SORCS3: variants seen among roughly 807,000 people sequenced by gnomAD.
SORCS3 encodes VPS10 domain-containing receptor SorCS3.
A neutral mutation model predicts 146.3 loss-of-function variants in SORCS3; 57 were observed. That is an observed-to-expected ratio of 0.39 (90% CI 0.31 to 0.49). SORCS3 has a LOEUF of 0.49. SORCS3 is among the 20% of genes least tolerant of loss of function. The probability of loss-of-function intolerance (pLI) is 0.92; values close to 1 mark genes in which losing one functional copy is unlikely to be tolerated. For missense variants in SORCS3, 1,341 were observed against 1,575.5 expected, an observed-to-expected ratio of 0.85 and a Z score of 2.52; for synonymous variants, 653 against 618.5, an observed-to-expected ratio of 1.06 and a Z score of -0.83.
intron 1 of SORCS3, among the ~76,000 whole-genome samples, chr10:104,739,017 C>T (rs1246027504): frequency 1.3e-5 from 2 of 152,138 alleles, no homozygotes; most frequent in African/African-American, 4.8e-5. Context: ...GGCATTTGTG[C>T]ATCTGATGCT....
At chr10:105,171,885 A>G (rs1371600130) in intron 13 of SORCS3, among the ~76,000 whole-genome samples, 1 of 152,180 alleles carries the variant, frequency 6.6e-6, no homozygotes, top group East Asian at 1.9e-4. Flanking sequence ...AAAAGGTCTT[A>G]TAGAAGTCCT....
chr10:104,842,659 C>G, intron 1 of SORCS3, 133 bp from the exon 2 acceptor site: 1 of 641,870 alleles, frequency 1.6e-6, no homozygotes. Flanking sequence ...TACCCCGCAA[C>G]TCAATGGATA....
At chr10:104,753,756 G>T (rs1037615319) in intron 1 of SORCS3, among the ~76,000 whole-genome samples, 1 of 152,098 alleles carries the variant, frequency 6.6e-6, no homozygotes, top group Non-Finnish European at 1.5e-5. Context: ...CATTGTCCTT[G>T]GGGTTTATGT....
At chr10:105,204,500 A>C (rs375468210) in intron 16 of SORCS3, among the ~76,000 whole-genome samples, 5 of 152,284 alleles carry the variant, frequency 3.3e-5, no homozygotes, top group African/African-American at 1.2e-4. Context: ...AGTTTTGACC[A>C]TTGGTACTAG....
chr10:104,660,038 C>T (rs567149674), intron 1 of SORCS3, among the ~76,000 whole-genome samples: 1 of 152,270 alleles, frequency 6.6e-6, no homozygotes, highest in Non-Finnish European at 1.5e-5. Flanking sequence ...TTAGCAATAG[C>T]CCTTCCTTTC....
At chr10:105,137,872 C>A (rs978875767) in intron 7 of SORCS3, among the ~76,000 whole-genome samples, 2 of 151,956 alleles carry the variant, frequency 1.3e-5, no homozygotes, top group African/African-American at 4.8e-5. Flanking sequence ...AATGTAAAAC[C>A]AAATTAAACA....
intron 3 of SORCS3, among the ~76,000 whole-genome samples, chr10:104,927,403 CCAGTGATAGGAG>C (rs1365367633): frequency 6.6e-6 from 1 of 152,156 alleles, no homozygotes; most frequent in Admixed American, 6.5e-5. Context: ...TTAGGCAGAG[CCAGTGATAGGAG>C]CAGGAAAATC....
intron 1 of SORCS3, among the ~76,000 whole-genome samples, chr10:104,671,297 A>G (rs1419464900): frequency 2.3e-5 from 1 of 43,654 alleles, no homozygotes; most frequent in African/African-American, 8.3e-5. Flanking sequence ...TATGGCTCCT[A>G]TTATGTTAAG....
chr10:105,187,763 A>G (rs2056488535), intron 14 of SORCS3, among the ~76,000 whole-genome samples: 2 of 152,226 alleles, frequency 1.3e-5, no homozygotes, highest in Admixed American at 1.3e-4. Flanking sequence ...TTTACTCAAC[A>G]ATACGTATCG....
At position 105,228,382 on chromosome 10, in the gene SORCS3, T is replaced by C. The variant is rs2056746822; in HGVS notation, c.2868+5133T>C. Among the ~76,000 whole-genome samples the C allele has an allele frequency of 2.0e-5, 3 of 151,792 alleles. No individual in the cohort carries two copies. The South Asian group carries it at 6.2e-4, about 32-fold the overall frequency. On this transcript the variant is annotated intron_variant, in intron 20 of 26. Transcript: ENST00000369701. ...TTTCTTTCTTTCTCTCTTTTCTTTC[T>C]TTCTCTCTTTCCTTCTGTTTCTTCT...
At chr10:105,044,401 C>A (rs2055356040) in intron 5 of SORCS3, among the ~76,000 whole-genome samples, 1 of 151,962 alleles carries the variant, frequency 6.6e-6, no homozygotes, top group Non-Finnish European at 1.5e-5. Context: ...GAGCGAGACT[C>A]TGTCTCAAAA....
chr10:104,747,093 A>G (rs2133465833), intron 1 of SORCS3, among the ~76,000 whole-genome samples: 1 of 152,322 alleles, frequency 6.6e-6, no homozygotes, highest in East Asian at 1.9e-4. Flanking sequence ...ACTTCCTTCA[A>G]GTGGCTGAAT....
At chr10:104,966,904 A>G (rs747523848) in intron 3 of SORCS3, among the ~76,000 whole-genome samples, 1 of 152,178 alleles carries the variant, frequency 6.6e-6, no homozygotes, top group Non-Finnish European at 1.5e-5. Flanking sequence ...CATTAAAATT[A>G]AAACCAATAT....
chr10:104,852,454 G>A (rs577516845), intron 2 of SORCS3, among the ~76,000 whole-genome samples: 25 of 152,122 alleles, frequency 1.6e-4, no homozygotes, highest in Non-Finnish European at 3.4e-4. Flanking sequence ...TTCAATTCAC[G>A]TGGATTATGA....
chr10:105,263,475 G>C lies in SORCS3; in HGVS notation c.*101G>C. ...AATTAAAATGTCTTTTTTACCTTTTGTTTACCAAGGGCCCCTTCATAAATA... is the reference window on the plus strand; with the variant it reads ...AATTAAAATGTCTTTTTTACCTTTTCTTTACCAAGGGCCCCTTCATAAATA... On this transcript the variant is annotated 3_prime_UTR_variant, in exon 27 of 27. Transcript: ENST00000369701. 1 of 1,160,362 alleles carries C rather than the reference G, an allele frequency of 8.6e-7. No homozygotes were observed. The highest frequency in any genetic ancestry group is 1.2e-6 in the Non-Finnish European group (1 of 803,710). The allele number at this position is 1,160,362 out of a possible 1,614,324, so 71.9% of individuals were successfully genotyped here.
At chr10:104,671,212 C>G (rs1265010544) in intron 1 of SORCS3, among the ~76,000 whole-genome samples, 1 of 148,804 alleles carries the variant, frequency 6.7e-6, no homozygotes, top group African/African-American at 2.5e-5. Context: ...GCTTCCTTGA[C>G]TTGTTCCTGA....
rs1437765056 is a variant in SORCS3 at position 105,264,504 on chromosome 10, G to A, written c.*1130G>A. 1 of 152,364 alleles carries A rather than the reference G, an allele frequency of 6.6e-6. No individual in the cohort carries two copies. Among genetic ancestry groups the A allele is most frequent in the East Asian group, 1.9e-4 (1 of 5,184 alleles). The allele number at this position is 152,364 out of a possible 1,614,324, so 9.4% of individuals were successfully genotyped here. The stretch of plus-strand genomic sequence containing the variant: ...AGGTAAAGCCCAGTGAATGTCTCTT[G>A]GCATGGGAGGAGTTAAAGAGGTTGG... On this transcript the variant is annotated 3_prime_UTR_variant, in exon 27 of 27. Transcript: ENST00000369701.
intron 7 of SORCS3, among the ~76,000 whole-genome samples, chr10:105,125,855 A>G (rs576016565): frequency 7.9e-5 from 12 of 152,244 alleles, no homozygotes; most frequent in African/African-American, 2.4e-4. Context: ...TGGACCTCAC[A>G]TCGTGAGTGT....
intron 5 of SORCS3, among the ~76,000 whole-genome samples, chr10:105,049,778 T>C (rs1293199904): frequency 1.3e-5 from 2 of 151,828 alleles, no homozygotes; most frequent in Non-Finnish European, 2.9e-5. Context: ...GATATGGACA[T>C]AAAGGTGGGA....
Sources: allele counts gnomAD v4.1 joint callset (sites outside exome capture counted in the v4.1 genomes callset), GRCh38; gene constraint gnomAD v4.1.1; transcripts MANE v1.5; gene names NCBI Gene and HGNC (gene_info 2026-07-23, HGNC 2026-07-21).